The following USP48 variants were observed in gnomAD, a reference collection of about 807,000 sequenced individuals.
USP48 encodes the protein ubiquitin specific peptidase 48.
In USP48, 43 loss-of-function variants were observed where a neutral mutation model predicts 150.7. The ratio of observed to expected loss-of-function variants is 0.29; its 90% CI spans 0.22 to 0.37. The LOEUF is 0.37. Among genes scored for constraint, USP48 ranks in the 10% least tolerant of loss-of-function variants. The pLI is 1.00. For synonymous variants in USP48, 396 were observed against 425.9 expected, an observed-to-expected ratio of 0.93 and a Z score of 0.86; for missense variants, 813 against 1,249.6, an observed-to-expected ratio of 0.65 and a Z score of 5.27.
chr1:21,763,256 A>G (rs904992655), intron 1 of USP48, among the ~76,000 whole-genome samples: 2 of 152,234 alleles, frequency 1.3e-5, no homozygotes, highest in African/African-American at 4.8e-5. Context: ...ATACGTCTTC[A>G]GTCGGCTAGA....
rs1326155267 is a variant in USP48 at position 21,678,851 on chromosome 1, C to G, written c.*566G>C. The G allele has an allele frequency of 6.3e-6, 1 of 159,374 alleles. No individual in the cohort carries two copies. Among genetic ancestry groups the G allele is most frequent in the Non-Finnish European group, 1.4e-5 (1 of 73,446 alleles). The allele number at this position is 159,374 out of a possible 1,614,324, so 9.9% of individuals were successfully genotyped here. A position where few individuals can be genotyped will look rare whatever the true frequency, so the allele number is the denominator to read the frequency against. On this transcript the variant is annotated 3_prime_UTR_variant, in exon 27 of 27. Coordinates refer to ENST00000308271, the MANE Select transcript of USP48 (RefSeq NM_032236.8). Reference sequence around the variant, plus strand: ...GGCAGGTGTAAGGCGGGTGGCGCTGCAGCTGACATGGAGAAGAGTCTAAAT... The same window carrying G: ...GGCAGGTGTAAGGCGGGTGGCGCTGGAGCTGACATGGAGAAGAGTCTAAAT...
intron 25 of USP48, among the ~76,000 whole-genome samples, chr1:21,683,516 C>G (rs2097572464): frequency 6.6e-6 from 1 of 152,160 alleles, no homozygotes; most frequent in Admixed American, 6.5e-5. Flanking sequence ...TCCCAAGTAT[C>G]TGAGACCACA....
At chr1:21,702,738 A>G (rs1414759287) in intron 21 of USP48, among the ~76,000 whole-genome samples, 1 of 152,178 alleles carries the variant, frequency 6.6e-6, no homozygotes, top group East Asian at 1.9e-4. Flanking sequence ...ATTTCATTCT[A>G]GACCAGCAAT....
At chr1:21,738,751 T>C (rs750640869) in intron 8 of USP48, among the ~76,000 whole-genome samples, 15 of 151,400 alleles carry the variant, frequency 9.9e-5, no homozygotes, top group South Asian at 6.2e-4. Flanking sequence ...TGCAAAAGAG[T>C]ACATCACAGC....
At chr1:21,691,711 G>T (rs2097601601) in intron 23 of USP48, among the ~76,000 whole-genome samples, 1 of 152,178 alleles carries the variant, frequency 6.6e-6, no homozygotes, top group African/African-American at 2.4e-5. Flanking sequence ...AGAAAGGTTT[G>T]TTTTTTAAAT....
chr1:21,732,698 C>T (rs1264250493), intron 9 of USP48: 2 of 375,452 alleles, frequency 5.3e-6, no homozygotes, highest in Non-Finnish European at 1.0e-5. Context: ...GTAGGGTAAA[C>T]ATAATGGAAA....
intron 1 of USP48, among the ~76,000 whole-genome samples, chr1:21,778,793 C>G (rs2097906839): frequency 6.6e-6 from 1 of 151,284 alleles, no homozygotes; most frequent in Non-Finnish European, 1.5e-5. Context: ...TTCTGTCACC[C>G]AGGCTGGAGT....
intron 1 of USP48, among the ~76,000 whole-genome samples, chr1:21,759,340 T>TA (rs1319413842): frequency 1.3e-5 from 2 of 151,862 alleles, no homozygotes; most frequent in Non-Finnish European, 2.9e-5. Context: ...CAAAGTAACT[T>TA]AAACAGTTAT....
intron 9 of USP48, among the ~76,000 whole-genome samples, chr1:21,731,607 G>A (rs902812098): frequency 6.6e-6 from 1 of 151,504 alleles, no homozygotes; most frequent in African/African-American, 2.4e-5. Context: ...TGGGCCAGGT[G>A]CGGTGGCTCA....
chr1:21,721,421 T>C (rs1437670056), intron 13 of USP48, among the ~76,000 whole-genome samples: 3 of 152,218 alleles, frequency 2.0e-5, no homozygotes, highest in East Asian at 1.9e-4. Flanking sequence ...ACCAATCAAA[T>C]GGTAGGATGG....
chr1:21,779,346 A>C (rs2097908782), intron 1 of USP48, among the ~76,000 whole-genome samples: 1 of 152,040 alleles, frequency 6.6e-6, no homozygotes, highest in African/African-American at 2.4e-5. Context: ...GGAGTTCAAG[A>C]CCAGCCTGGC....
chr1:21,764,426 G>A (rs1368465034), intron 1 of USP48, among the ~76,000 whole-genome samples: 2 of 147,718 alleles, frequency 1.4e-5, no homozygotes, highest in Admixed American at 1.4e-4. Context: ...GCATCAGAGA[G>A]AGACCCTGTC....
chr1:21,765,336 C>A (rs930152199), intron 1 of USP48, among the ~76,000 whole-genome samples: 1 of 152,118 alleles, frequency 6.6e-6, no homozygotes, highest in Non-Finnish European at 1.5e-5. Flanking sequence ...ACAGACCGGG[C>A]GGGGTGTGGT....
At chr1:21,724,179 T>C (rs1400437383) in intron 11 of USP48, 84 bp from the exon 12 acceptor site, 1 of 1,326,742 alleles carries the variant, frequency 7.5e-7, no homozygotes, top group Non-Finnish European at 1.1e-6. Flanking sequence ...CAAAAGACAA[T>C]GCAAACTCTG....
intron 23 of USP48, among the ~76,000 whole-genome samples, chr1:21,691,613 C>T (rs921053106): frequency 4.6e-5 from 7 of 152,262 alleles, no homozygotes; most frequent in African/African-American, 1.7e-4. Context: ...CCAGTCTGGG[C>T]GAAAGAGCAA....
At chr1:21,737,439 T>C (rs2097771154) in intron 8 of USP48, among the ~76,000 whole-genome samples, 2 of 152,210 alleles carry the variant, frequency 1.3e-5, no homozygotes, top group South Asian at 2.1e-4. Context: ...CTACAAATCA[T>C]AGCCTATATT....
chr1:21,752,418 C>T, intron 5 of USP48, 109 bp downstream of exon 5: 1 of 1,298,064 alleles, frequency 7.7e-7, no homozygotes, highest in Non-Finnish European at 1.1e-6. Flanking sequence ...ATTTCAGGTC[C>T]CATGATAAAC....
intron 25 of USP48, among the ~76,000 whole-genome samples, chr1:21,682,575 A>C (rs1406380426): frequency 6.6e-6 from 1 of 151,946 alleles, no homozygotes; most frequent in Non-Finnish European, 1.5e-5. Flanking sequence ...CTTAAGTATG[A>C]GGTACTAAAA....
intron 15 of USP48, among the ~76,000 whole-genome samples, chr1:21,713,040 C>T (rs1430108919): frequency 6.6e-6 from 1 of 152,076 alleles, no homozygotes; most frequent in African/African-American, 2.4e-5. Flanking sequence ...TCCTCTCTCC[C>T]TCACTCCCTT....
Sources: allele counts gnomAD v4.1 joint callset (sites outside exome capture counted in the v4.1 genomes callset), GRCh38; gene constraint gnomAD v4.1.1; transcripts MANE v1.5; gene names NCBI Gene and HGNC (gene_info 2026-07-23, HGNC 2026-07-21).